Variants in ACAD10 observed in about 807,000 individuals in gnomAD.
The protein encoded by ACAD10 is acyl-CoA dehydrogenase family member 10.
Under a neutral mutation model 116.8 loss-of-function variants are expected in ACAD10, and 112 were observed. That is an observed-to-expected ratio of 0.96 (90% CI 0.82 to 1.12). ACAD10 has a LOEUF of 1.12. Among genes scored for constraint, ACAD10 ranks in the 50% most tolerant of loss-of-function variants. The pLI is 0.00. For missense variants in ACAD10, 1,259 were observed against 1,350.2 expected (o/e 0.93, Z 1.06); for synonymous variants, 486 against 510.6 (o/e 0.95, Z 0.65).
intron 19 of ACAD10, among the ~76,000 whole-genome samples, chr12:111,754,533 A>G (rs554459376): frequency 6.6e-6 from 1 of 152,334 alleles, no homozygotes; most frequent in African/African-American, 2.4e-5. Context: ...GTGATGACCA[A>G]GCACAATGCC....
chr12:111,690,392 A>C (rs573263626), intron 1 of ACAD10: 9 of 152,228 alleles, frequency 5.9e-5, no homozygotes, highest in African/African-American at 1.2e-4. Context: ...TTACGTGTGG[A>C]ATTTTTCATT....
chr12:111,692,183 G>T (rs1020679739), intron 1 of ACAD10, among the ~76,000 whole-genome samples: 4 of 152,198 alleles, frequency 2.6e-5, no homozygotes, highest in Non-Finnish European at 5.9e-5. Flanking sequence ...GGTCAGGCTG[G>T]TCTCGAACTC....
intron 2 of ACAD10, among the ~76,000 whole-genome samples, chr12:111,698,046 G>A (rs1347461927): frequency 6.7e-6 from 1 of 148,342 alleles, no homozygotes; most frequent in East Asian, 2.0e-4. Context: ...CCAGGCTAGA[G>A]TGCAGTGCTG....
chr12:111,703,733 G>A (rs1019760924), intron 3 of ACAD10, among the ~76,000 whole-genome samples: 1 of 152,026 alleles, frequency 6.6e-6, no homozygotes, highest in African/African-American at 2.4e-5. Context: ...AGCTACTTGG[G>A]AGGCTGAGGC....
chr12:111,720,902 G>T (rs1449181370), intron 7 of ACAD10, among the ~76,000 whole-genome samples: 2 of 151,950 alleles, frequency 1.3e-5, no homozygotes, highest in African/African-American at 4.8e-5. Flanking sequence ...TCATGCTTCA[G>T]CCACCCAAGT....
intron 7 of ACAD10, among the ~76,000 whole-genome samples, chr12:111,718,447 G>A (rs1284691824): frequency 6.6e-6 from 1 of 151,868 alleles, no homozygotes; most frequent in African/African-American, 2.4e-5. Context: ...ACATTGATCT[G>A]GGAACCACAG....
At chr12:111,719,306 T>C (rs993055538) in intron 7 of ACAD10, among the ~76,000 whole-genome samples, 1 of 152,194 alleles carries the variant, frequency 6.6e-6, no homozygotes, top group African/African-American at 2.4e-5. Context: ...CAGGCCGTAG[T>C]GCAGTGGTGC....
chr12:111,735,293 T>C (rs1889515813), intron 11 of ACAD10, among the ~76,000 whole-genome samples: 1 of 152,090 alleles, frequency 6.6e-6, no homozygotes, highest in South Asian at 2.1e-4. Flanking sequence ...TTGTTTCCAA[T>C]TTTTTAGTAT....
chr12:111,731,184 A>G (rs990972902), intron 10 of ACAD10, among the ~76,000 whole-genome samples: 5 of 152,076 alleles, frequency 3.3e-5, no homozygotes, highest in Non-Finnish European at 5.9e-5. Flanking sequence ...TTAGCCAGCC[A>G]CCTTTGGGGA....
At position 111,712,515 on chromosome 12, in the gene ACAD10, T is replaced by C. The variant is rs749817563; in HGVS notation, c.708T>C (p.Thr236=). 3 of 1,613,860 alleles carry C rather than the reference T, an allele frequency of 1.9e-6. No homozygotes were observed. The highest frequency in any genetic ancestry group is 2.5e-6 in the Non-Finnish European group (3 of 1,179,924). ...GAAACCAGGTTAATGACCCAGAGAC[T>C]GCAGTAAAGGAATTAGAAGCTCTCT... The part of the protein sequence containing the change: ...IHTIKVNDPE[T]AVKELEALLG... The change falls in exon 6 of 21, where the codon ACT becomes ACC. Residue 236 remains threonine (T), a synonymous_variant. Coordinates refer to ENST00000313698, the MANE Select transcript of ACAD10 (RefSeq NM_025247.6).
At chr12:111,700,519 C>T (rs936406552) in intron 2 of ACAD10, among the ~76,000 whole-genome samples, 10 of 152,132 alleles carry the variant, frequency 6.6e-5, no homozygotes, top group East Asian at 1.9e-4. Flanking sequence ...TGCTTGTTTA[C>T]GCTCCCGTCA....
chr12:111,704,298 G>C, intron 3 of ACAD10, among the ~76,000 whole-genome samples: 1 of 151,306 alleles, frequency 6.6e-6, no homozygotes, highest in East Asian at 2.0e-4. Context: ...TGTGCCACCA[G>C]CTCCAGCCAA....
At chr12:111,725,530 TTTCTTC>T in intron 8 of ACAD10, among the ~76,000 whole-genome samples, 1 of 151,832 alleles carries the variant, frequency 6.6e-6, no homozygotes. Context: ...TTTCCTTTCT[TTTCTTC>T]TTCTTCTTTT....
At chr12:111,712,689 C>G (rs1888721726) in intron 6 of ACAD10, 32 bp downstream of exon 6, 2 of 1,604,842 alleles carry the variant, frequency 1.2e-6, no homozygotes, top group Non-Finnish European at 1.7e-6. Flanking sequence ...TTTGGTAGCT[C>G]TCTCCAAGGC....
intron 4 of ACAD10, among the ~76,000 whole-genome samples, chr12:111,708,415 A>G (rs1888573554): frequency 6.6e-6 from 1 of 151,154 alleles, no homozygotes; most frequent in South Asian, 2.1e-4. Context: ...GGTGTCTGAA[A>G]CACCCTGCTT....
intron 10 of ACAD10, among the ~76,000 whole-genome samples, chr12:111,731,696 T>C (rs1311694116): frequency 1.3e-5 from 2 of 152,246 alleles, no homozygotes; most frequent in African/African-American, 4.8e-5. Flanking sequence ...CAGTCAGAGA[T>C]AGTTCTGTCT....
intron 1 of ACAD10, among the ~76,000 whole-genome samples, chr12:111,689,657 G>A (rs1454239372): frequency 2.6e-5 from 4 of 151,772 alleles, no homozygotes; most frequent in African/African-American, 4.8e-5. Flanking sequence ...GATTACAGGC[G>A]TCAGTTACTG....
chr12:111,735,844 GTTTA>G (rs939803472), intron 11 of ACAD10, among the ~76,000 whole-genome samples: 3 of 151,686 alleles, frequency 2.0e-5, no homozygotes, highest in Admixed American at 6.6e-5. Context: ...TTGTTTATTT[GTTTA>G]TTTATTTTTG....
At chr12:111,747,513 C>T in intron 16 of ACAD10, 128 bp downstream of exon 16, 1 of 1,522,216 alleles carries the variant, frequency 6.6e-7, no homozygotes, top group South Asian at 1.3e-5. Context: ...TCACTTAGCG[C>T]CCCCAGCAGA....
Sources: allele counts gnomAD v4.1 joint callset (sites outside exome capture counted in the v4.1 genomes callset), GRCh38; gene constraint gnomAD v4.1.1; transcripts MANE v1.5; gene names NCBI Gene and HGNC (gene_info 2026-07-23, HGNC 2026-07-21).